Variants in RPTOR observed in about 807,000 individuals in gnomAD.
The protein encoded by RPTOR is regulatory-associated protein of mTOR.
A neutral mutation model predicts 169.9 loss-of-function variants in RPTOR; 21 were observed. The observed-to-expected ratio is 0.12, with a 90% CI of 0.09 to 0.18. The LOEUF (loss-of-function observed/expected upper bound fraction) is 0.18, where lower values mean the gene tolerates loss of function less well. Ranked by LOEUF, RPTOR falls within the 10% of genes least tolerant of loss-of-function variation. The pLI is 1.00. For missense variants in RPTOR, 1,133 were observed against 1,855.9 expected, an observed-to-expected ratio of 0.61 and a Z score of 7.16; for synonymous variants, 732 against 753.2, an observed-to-expected ratio of 0.97 and a Z score of 0.46.
intron 24 of RPTOR, among the ~76,000 whole-genome samples, chr17:80,937,748 G>A (rs563194106): frequency 3.3e-5 from 5 of 152,214 alleles, no homozygotes; most frequent in African/African-American, 4.8e-5. Context: ...AAGAGCTGCG[G>A]TGTCATTTGC....
At chr17:80,606,224 G>GTT (rs2143469422) in intron 1 of RPTOR, among the ~76,000 whole-genome samples, 1 of 151,588 alleles carries the variant, frequency 6.6e-6, no homozygotes, top group African/African-American at 2.4e-5. Flanking sequence ...GTTAGCCAGG[G>GTT]TGGTCTCGAT....
At chr17:80,637,039 G>C (rs2143577687) in intron 2 of RPTOR, among the ~76,000 whole-genome samples, 1 of 152,300 alleles carries the variant, frequency 6.6e-6, no homozygotes, top group East Asian at 1.9e-4. Context: ...AGCAATGTGT[G>C]TGAATCCCCA....
intron 1 of RPTOR, among the ~76,000 whole-genome samples, chr17:80,592,549 A>G (rs1451778808): frequency 1.3e-5 from 2 of 152,102 alleles, no homozygotes; most frequent in African/African-American, 4.8e-5. Flanking sequence ...GGATACTTTT[A>G]TTGGGCAGCT....
At chr17:80,879,526 C>A (rs910057056) in intron 13 of RPTOR, among the ~76,000 whole-genome samples, 1 of 151,914 alleles carries the variant, frequency 6.6e-6, no homozygotes, top group Non-Finnish European at 1.5e-5. Flanking sequence ...TCCCTCACTG[C>A]CCTGGACAGT....
Position 80,609,773 on chromosome 17 carries a change from T to TTG in RPTOR, c.163-15884_163-15883dup, listed in dbSNP as rs35843489. Reference sequence around the variant, plus strand: ...AAAAAAAAAAAGTTTAAGGTGTTGGTTGTGTGTGTGTGTGTGTGTGTGTGT... The same window carrying TTG: ...AAAAAAAAAAAGTTTAAGGTGTTGGTTGTGTGTGTGTGTGTGTGTGTGTGTGT... On this transcript the variant is annotated intron_variant, in intron 1 of 33. Coordinates refer to ENST00000306801, the MANE Select transcript of RPTOR (RefSeq NM_020761.3). The surrounding 1 kb of genome is among the most constrained non-coding windows in gnomAD (Gnocchi z 4.8). Among the ~76,000 whole-genome samples the TTG allele has an allele frequency of 0.052, 7,424 of 143,238 alleles. 298 individuals are homozygous for TTG. Among genetic ancestry groups the TTG allele is most frequent in the African/African-American group, 0.12 (4,653 of 38,758 alleles). The allele number at this position is 143,238 out of a possible 152,430, so 94.0% of individuals were successfully genotyped here.
chr17:80,822,096 G>A (rs189262829), intron 7 of RPTOR, 105 bp from the exon 8 acceptor site: 29 of 989,262 alleles, frequency 2.9e-5, no homozygotes, highest in East Asian at 2.7e-4. Flanking sequence ...TTCCTCCCTC[G>A]CTCAGAGCCT....
chr17:80,770,899 G>A (rs2066836528), intron 6 of RPTOR, among the ~76,000 whole-genome samples: 2 of 152,218 alleles, frequency 1.3e-5, no homozygotes, highest in South Asian at 4.1e-4. Flanking sequence ...TAGACAGAGT[G>A]TCTGGTTTGC....
chr17:80,901,820 G>C (rs2280145), intron 20 of RPTOR, among the ~76,000 whole-genome samples: 4 of 148,730 alleles, frequency 2.7e-5, no homozygotes, highest in Admixed American at 6.7e-5. Context: ...CGCCCCCAGC[G>C]CCCTCCCTGC....
In RPTOR at chr17:80,583,825, G is replaced by T. The variant is rs542347803; in HGVS notation, c.162+38034G>T. ...TGCCTCCAGCCCTGCCGTTGGTCAG[G>T]AGGAGGCAAGGGGTACCTAATGTGC... On this transcript the variant is annotated intron_variant, in intron 1 of 33. Coordinates refer to ENST00000306801, the MANE Select transcript of RPTOR (RefSeq NM_020761.3). Among the ~76,000 whole-genome samples, 11 of 152,368 alleles carry T rather than the reference G, an allele frequency of 7.2e-5. No individual in the cohort carries two copies. The East Asian group carries it at 1.4e-3, about 19-fold the overall frequency.
At position 80,960,351 on chromosome 17, in the gene RPTOR, AGTC is replaced by A; in HGVS notation, c.3605+147_3605+149del. On this transcript the variant is annotated intron_variant, in intron 30 of 33. Coordinates refer to ENST00000306801, the MANE Select transcript of RPTOR (RefSeq NM_020761.3). The surrounding 1 kb of genome is among the most constrained non-coding windows in gnomAD (Gnocchi z 4.8). Reference sequence around the variant, plus strand: ...GAGCCTGCAGTGGCGTATTTAGGCCAGTCCTGGGCTCCCCAAAGCCGCCAGGCC... The same window carrying A: ...GAGCCTGCAGTGGCGTATTTAGGCCACTGGGCTCCCCAAAGCCGCCAGGCC... 1.8e-6 allele frequency: 2 copies of A among 1,139,436 alleles called. No homozygotes were observed. The highest frequency in any genetic ancestry group is 2.5e-6 in the Non-Finnish European group (2 of 810,232). The allele number at this position is 1,139,436 out of a possible 1,614,324, so 70.6% of individuals were successfully genotyped here.
chr17:80,578,902 CA>C (rs1344782399), intron 1 of RPTOR, among the ~76,000 whole-genome samples: 2 of 152,178 alleles, frequency 1.3e-5, no homozygotes, highest in African/African-American at 4.8e-5. Context: ...GGAAGGGAAC[CA>C]TCCTCCCTCC....
At chr17:80,872,787 A>G (rs1363615577) in intron 13 of RPTOR, among the ~76,000 whole-genome samples, 1 of 152,162 alleles carries the variant, frequency 6.6e-6, no homozygotes, top group African/African-American at 2.4e-5. Context: ...GATGGGCACA[A>G]CGGGGCCCTG....
intron 6 of RPTOR, among the ~76,000 whole-genome samples, chr17:80,780,779 G>A (rs72852757): frequency 6.6e-6 from 1 of 151,768 alleles, no homozygotes; most frequent in African/African-American, 2.4e-5. Context: ...CCCTCCCCCC[G>A]GGGGGCCTCA....
chr17:80,565,550 G>C (rs977875370), intron 1 of RPTOR, among the ~76,000 whole-genome samples: 1 of 150,076 alleles, frequency 6.7e-6, no homozygotes, highest in Non-Finnish European at 1.5e-5. Context: ...CTGAGGAGGG[G>C]TTAGAGCCCC....
intron 10 of RPTOR, among the ~76,000 whole-genome samples, chr17:80,841,679 CT>C (rs2067663288): frequency 9.0e-6 from 1 of 110,658 alleles, no homozygotes; most frequent in African/African-American, 3.6e-5. Flanking sequence ...GCAGCTCACA[CT>C]CACCGCACGG....
rs1161150412 is a variant in RPTOR, at chr17:80,820,497, G to T, written c.891-1704G>T. ...AGCAACCTGGTAAAATGAGTTCCTG[G>T]ATTGTTTGCTTGCATTTCATAAGGA... On this transcript the variant is annotated intron_variant, in intron 7 of 33. Coordinates refer to ENST00000306801, the MANE Select transcript of RPTOR (RefSeq NM_020761.3). The surrounding 1 kb of genome is among the most constrained non-coding windows in gnomAD (Gnocchi z 4.1). 2.0e-5 allele frequency among the ~76,000 whole-genome samples: 3 copies of T among 152,176 alleles called. No homozygotes were observed. The highest frequency in any genetic ancestry group is 4.4e-5 in the Non-Finnish European group (3 of 68,034).
intron 2 of RPTOR, among the ~76,000 whole-genome samples, chr17:80,637,773 A>G (rs538634501): frequency 1.3e-5 from 2 of 152,348 alleles, no homozygotes; most frequent in South Asian, 2.1e-4. Flanking sequence ...CTGTCATCCC[A>G]AGGGAACGTT....
intron 17 of RPTOR, among the ~76,000 whole-genome samples, chr17:80,889,229 C>T (rs1043209756): frequency 6.6e-6 from 1 of 152,204 alleles, no homozygotes; most frequent in East Asian, 1.9e-4. Flanking sequence ...GTCTGAGCAA[C>T]AGAAGAGCAG....
chr17:80,793,091 G>C (rs1386519346), intron 7 of RPTOR, among the ~76,000 whole-genome samples: 3 of 152,206 alleles, frequency 2.0e-5, no homozygotes, highest in Non-Finnish European at 2.9e-5. Context: ...GATTACAGGC[G>C]TGAGTGATTC....
Sources: allele counts gnomAD v4.1 joint callset (sites outside exome capture counted in the v4.1 genomes callset), GRCh38; gene constraint gnomAD v4.1.1; non-coding constraint Gnocchi (gnomAD v3.1); transcripts MANE v1.5; gene names NCBI Gene and HGNC (gene_info 2026-07-23, HGNC 2026-07-21).